The following COMMD6 variants were observed in gnomAD, a reference collection of about 807,000 sequenced individuals.
COMMD6 encodes the protein COMM domain-containing protein 6.
Under a neutral mutation model 13.4 loss-of-function variants are expected in COMMD6, and 11 were observed. The observed-to-expected ratio is 0.82, with a 90% CI of 0.52 to 1.36. The LOEUF is 1.36. Among genes scored for constraint, COMMD6 ranks in the 40% most tolerant of loss-of-function variants. COMMD6 has a pLI of 0.00. For synonymous variants in COMMD6, 43 were observed against 36.5 expected, an observed-to-expected ratio of 1.18 and a Z score of -0.64; for missense variants, 124 against 102.4, an observed-to-expected ratio of 1.21 and a Z score of -0.91.
chr13:75,534,007 T>C (rs2030580690), intron 2 of COMMD6, among the ~76,000 whole-genome samples: 3 of 152,054 alleles, frequency 2.0e-5, no homozygotes, highest in Non-Finnish European at 4.4e-5. Context: ...TCTCAGTCTG[T>C]TGCTCAGGCT....
At chr13:75,542,643 A>G (rs189999156), upstream of COMMD6, among the ~76,000 whole-genome samples, 126 of 152,278 alleles carry the variant, frequency 8.3e-4, no homozygotes, top group Non-Finnish European at 5.9e-4. Context: ...AATTTTCACA[A>G]TTACATAAAA....
At position 75,537,835 on chromosome 13, in the gene COMMD6, TC is replaced by T; in HGVS notation, c.-31del. The T allele has an allele frequency of 6.3e-7, 1 of 1,575,098 alleles. No individual in the cohort carries two copies. Among genetic ancestry groups the T allele is most frequent in the East Asian group, 2.2e-5 (1 of 44,446 alleles). On this transcript the variant is annotated 5_prime_UTR_variant, in exon 1 of 4. Coordinates refer to ENST00000682242, the MANE Select transcript of COMMD6 (RefSeq NM_203495.4). ...AGCGTCTGGGACTTGCGGCCCGGACTCGAGAGAACGCCCCCAGACCAGCGCT... is the reference window on the plus strand; with the variant it reads ...AGCGTCTGGGACTTGCGGCCCGGACTGAGAGAACGCCCCCAGACCAGCGCT...
intron 2 of COMMD6, among the ~76,000 whole-genome samples, chr13:75,535,887 C>T (rs1001547688): frequency 8.6e-5 from 13 of 151,878 alleles, no homozygotes; most frequent in Non-Finnish European, 1.9e-4. Context: ...CAAGATACTC[C>T]GTAATTTTTT....
rs766092382 is a variant in COMMD6 at position 75,537,773 on chromosome 13, A to G, written c.33T>C (p.Ala11=). 1 of 1,612,396 alleles carries G rather than the reference A, an allele frequency of 6.2e-7. No individual in the cohort carries two copies. The highest frequency in any genetic ancestry group is 8.5e-7 in the Non-Finnish European group (1 of 1,178,728). Residue 11 remains alanine, a synonymous_variant, in exon 1 of 4, where the codon GCT becomes GCC. Transcript: ENST00000682242. MEASSEPPLD[A]KSDVTNQLVD... is the part of the protein sequence containing the mutation. The stretch of plus-strand genomic sequence containing the variant: ...CCAGGTTGGAACTCACATCGGACTT[A>G]GCATCCAGCGGCGGCTCGCTGGACG...
intron 2 of COMMD6, 122 bp downstream of exon 2, chr13:75,537,542 T>TG: frequency 6.3e-7 from 1 of 1,593,894 alleles, no homozygotes; most frequent in Non-Finnish European, 8.5e-7. Context: ...GAGGGACGGC[T>TG]GAAGGTCACC....
At chr13:75,538,686 C>A (rs561192857), upstream of COMMD6, 1 of 152,288 alleles carries the variant, frequency 6.6e-6, no homozygotes, top group East Asian at 1.9e-4. Flanking sequence ...ATACTATTCT[C>A]TAATAAATAA....
At chr13:75,546,309 A>G (rs372012948) in intron 1 of COMMD6, among the ~76,000 whole-genome samples, 21 of 152,248 alleles carry the variant, frequency 1.4e-4, no homozygotes, top group African/African-American at 5.1e-4. Context: ...CCACAATTCC[A>G]TGTATTCTTG....
Position 75,526,233 on chromosome 13 carries a change from C to CT in COMMD6, c.*355dup, listed in dbSNP as rs1185223316. The CT allele has an allele frequency of 5.9e-6, 1 of 169,560 alleles. No individual in the cohort carries two copies. Among genetic ancestry groups the CT allele is most frequent in the Non-Finnish European group, 1.3e-5 (1 of 79,990 alleles). The allele number at this position is 169,560 out of a possible 1,614,324, so 10.5% of individuals were successfully genotyped here. A position where few individuals can be genotyped will look rare whatever the true frequency, so the allele number is the denominator to read the frequency against. On this transcript the variant is annotated 3_prime_UTR_variant, in exon 4 of 4. Transcript: ENST00000682242. Reference sequence around the variant, plus strand: ...TTTATATACATGACTCCAAATAAGACTGTTTATAAAATGGGTTCCATCCAG... The same window carrying CT: ...TTTATATACATGACTCCAAATAAGACTTGTTTATAAAATGGGTTCCATCCAG...
At position 75,525,796 on chromosome 13, in the gene COMMD6, C is replaced by T. The variant is rs527353462; in HGVS notation, c.*793G>A. On this transcript the variant is annotated 3_prime_UTR_variant, in exon 4 of 4. Coordinates refer to ENST00000682242, the MANE Select transcript of COMMD6 (RefSeq NM_203495.4). ...AGAATGTCTTGATCTATTTCTAGGC[C>T]ATCTATTCTATTCCGGTGGTCTATT... 6.6e-6 allele frequency: 1 copy of T among 152,296 alleles called. No individual in the cohort carries two copies. The highest frequency in any genetic ancestry group is 2.1e-4 in the South Asian group (1 of 4,830). The allele number at this position is 152,296 out of a possible 1,614,324, so 9.4% of individuals were successfully genotyped here.
intron 3 of COMMD6, chr13:75,527,954 GTTA>G: frequency 8.1e-7 from 1 of 1,229,972 alleles, no homozygotes; most frequent in African/African-American, 1.6e-5. Flanking sequence ...CAGTAATATT[GTTA>G]TTGTTTACTT....
chr13:75,537,324 G>A, intron 2 of COMMD6: 1 of 1,548,978 alleles, frequency 6.5e-7, no homozygotes, highest in South Asian at 1.2e-5. Context: ...CTAAGAAAAT[G>A]TTTGCGGTGC....
At chr13:75,546,639 C>T (rs567590686) in intron 1 of COMMD6, among the ~76,000 whole-genome samples, 2 of 152,180 alleles carry the variant, frequency 1.3e-5, no homozygotes, top group Non-Finnish European at 2.9e-5. Context: ...ACCTTTATAT[C>T]CTTTGACAAC....
At chr13:75,530,459 AAC>A (rs1455469841) in intron 2 of COMMD6, 193 bp from the exon 3 acceptor site, 3 of 391,454 alleles carry the variant, frequency 7.7e-6, no homozygotes, top group Non-Finnish European at 1.3e-5. Context: ...AAGGGATATA[AAC>A]AGTTAAAAAA....
chr13:75,532,202 T>C (rs1429005331), intron 2 of COMMD6, among the ~76,000 whole-genome samples: 2 of 152,180 alleles, frequency 1.3e-5, no homozygotes, highest in Non-Finnish European at 2.9e-5. Flanking sequence ...TTATTGACTT[T>C]TGCTTGTGGT....
rs1192461270 is a variant in COMMD6 at position 75,526,032 on chromosome 13, T to C, written c.*557A>G. ...TTTCTACAACCATTAATAACAGAAA[T>C]AATTGAATGCTAGACTAATACTGTG... On this transcript the variant is annotated 3_prime_UTR_variant, in exon 4 of 4. Coordinates refer to ENST00000682242, the MANE Select transcript of COMMD6 (RefSeq NM_203495.4). 2 of 152,192 alleles carry C rather than the reference T, an allele frequency of 1.3e-5. No individual in the cohort carries two copies. The highest frequency in any genetic ancestry group is 4.8e-5 in the African/African-American group (2 of 41,450). The allele number at this position is 152,192 out of a possible 1,614,324, so 9.4% of individuals were successfully genotyped here.
At chr13:75,542,309 T>A (rs2030838475), upstream of COMMD6, among the ~76,000 whole-genome samples, 1 of 139,736 alleles carries the variant, frequency 7.2e-6, no homozygotes, top group African/African-American at 2.6e-5. Flanking sequence ...TTTTTTTTGA[T>A]ACAGAGTTTC....
intron 3 of COMMD6, among the ~76,000 whole-genome samples, chr13:75,528,053 CAAA>C (rs768140842): frequency 7.2e-6 from 1 of 138,650 alleles, no homozygotes. Flanking sequence ...ACACTCTCTC[CAAA>C]AAAAAAAAAG....
intron 3 of COMMD6, chr13:75,527,877 T>TA: frequency 1.3e-6 from 2 of 1,499,884 alleles, no homozygotes; most frequent in Non-Finnish European, 1.8e-6. Context: ...GAAATGTTAG[T>TA]AAAAAGGTAC....
chr13:75,539,192 TA>T (rs948738212), upstream of COMMD6, among the ~76,000 whole-genome samples: 6 of 151,052 alleles, frequency 4.0e-5, no homozygotes, highest in African/African-American at 1.5e-4. Flanking sequence ...TCTAGGGGCC[TA>T]AAAAATTATT....
Sources: allele counts gnomAD v4.1 joint callset (sites outside exome capture counted in the v4.1 genomes callset), GRCh38; gene constraint gnomAD v4.1.1; transcripts MANE v1.5; gene names NCBI Gene and HGNC (gene_info 2026-07-23, HGNC 2026-07-21).